The following USP45 variants were observed in gnomAD, a reference collection of about 807,000 sequenced individuals.
USP45 encodes the protein ubiquitin specific peptidase 45.
In USP45, 89 loss-of-function variants were observed where a neutral mutation model predicts 95.8. The observed-to-expected ratio is 0.93, with a 90% CI of 0.78 to 1.11. USP45 has a LOEUF of 1.11. Ranked by LOEUF, USP45 falls within the 50% of genes least tolerant of loss-of-function variation. The probability of loss-of-function intolerance (pLI) is 0.00; values close to 1 mark genes in which losing one functional copy is unlikely to be tolerated. For missense variants in USP45, 898 were observed against 942.5 expected (o/e 0.95, Z 0.62); for synonymous variants, 281 against 316.2 (o/e 0.89, Z 1.18).
chr6:99,461,980 C>T (rs746786848), intron 13 of USP45: 103 of 985,240 alleles, frequency 1.0e-4, no homozygotes, highest in Middle Eastern at 5.2e-4. Flanking sequence ...AACTTCTAAA[C>T]GTAAACTTCC....
At chr6:99,453,954 T>C (rs534074331) in intron 13 of USP45, among the ~76,000 whole-genome samples, 54 of 151,468 alleles carry the variant, frequency 3.6e-4, no homozygotes, top group African/African-American at 1.3e-3. Context: ...GCAACAAGAG[T>C]GAAACTCCAT....
chr6:99,482,907 T>C (rs1792782082), intron 7 of USP45, 24 bp from the exon 8 acceptor site: 6 of 1,454,928 alleles, frequency 4.1e-6, no homozygotes, highest in Non-Finnish European at 5.5e-6. Context: ...ATCAACTCTA[T>C]GTCAGAAATG....
At chr6:99,454,785 T>C (rs562783451) in intron 13 of USP45, among the ~76,000 whole-genome samples, 51 of 152,240 alleles carry the variant, frequency 3.3e-4, no homozygotes, top group African/African-American at 1.2e-3. Context: ...AGTACAGCCA[T>C]CATAGAAAAC....
At chr6:99,488,942 T>C in intron 5 of USP45, 122 bp from the exon 6 acceptor site, 1 of 741,416 alleles carries the variant, frequency 1.3e-6, no homozygotes, top group Non-Finnish European at 1.9e-6. Context: ...TCAGTGTTCC[T>C]GAAGGGGAAG....
intron 16 of USP45, among the ~76,000 whole-genome samples, chr6:99,439,314 T>C (rs1178356575): frequency 1.3e-5 from 2 of 152,206 alleles, no homozygotes; most frequent in Non-Finnish European, 1.5e-5. Context: ...AGCAGCAGTT[T>C]TGAAGTATCA....
At chr6:99,490,969 TA>T (rs1457007073) in intron 5 of USP45, among the ~76,000 whole-genome samples, 1 of 147,132 alleles carries the variant, frequency 6.8e-6, no homozygotes, top group Admixed American at 6.7e-5. Context: ...TTATAAACGC[TA>T]TTAACTGGTT....
At position 99,510,450 on chromosome 6, in the gene USP45, T is replaced by C. The variant is rs117432354; in HGVS notation, c.-10-220A>G. Among the ~76,000 whole-genome samples the C allele has an allele frequency of 6.2e-3, 941 of 152,362 alleles. 5 individuals carry two copies. Among genetic ancestry groups the C allele is most frequent in the Non-Finnish European group, 0.011 (743 of 68,042 alleles). On this transcript the variant is annotated intron_variant, in intron 1 of 17. Transcript: ENST00000500704. ...TTGGCTTTTGCCAACTATACCATTA[T>C]GGACTAAATGTTTGTGTCCCCACTC...
At chr6:99,460,961 T>C (rs938373854) in intron 13 of USP45, 51 of 985,078 alleles carry the variant, frequency 5.2e-5, no homozygotes, top group Non-Finnish European at 5.7e-5. Context: ...TCTGGTCTTA[T>C]AATTGAATTT....
intron 14 of USP45, among the ~76,000 whole-genome samples, chr6:99,444,772 C>T (rs1782168219): frequency 6.6e-6 from 1 of 152,172 alleles, no homozygotes; most frequent in South Asian, 2.1e-4. Context: ...CCATGTTTTC[C>T]CCTCACTCCC....
chr6:99,463,927 AAAT>A (rs1345927608), intron 13 of USP45, among the ~76,000 whole-genome samples: 2 of 152,160 alleles, frequency 1.3e-5, no homozygotes, highest in African/African-American at 2.4e-5. Context: ...GCAGAAATTT[AAAT>A]AATGACTGAA....
At chr6:99,441,902 A>G (rs894440294) in intron 15 of USP45, among the ~76,000 whole-genome samples, 1 of 152,210 alleles carries the variant, frequency 6.6e-6, no homozygotes, top group African/African-American at 2.4e-5. Context: ...AAAGATCTCT[A>G]TTCAGTTTCA....
At chr6:99,445,439 C>T (rs547239295) in intron 14 of USP45, among the ~76,000 whole-genome samples, 6 of 150,564 alleles carry the variant, frequency 4.0e-5, no homozygotes, top group South Asian at 4.2e-4. Context: ...GCCGAGATCG[C>T]GCCACTGTAC....
intron 14 of USP45, 93 bp downstream of exon 14, chr6:99,445,704 G>A (rs1300229121): frequency 1.0e-6 from 1 of 962,888 alleles, no homozygotes. Context: ...CACAAGTATA[G>A]GGACAAGATT....
At chr6:99,445,584 G>A (rs537183282) in intron 14 of USP45, among the ~76,000 whole-genome samples, 4 of 152,050 alleles carry the variant, frequency 2.6e-5, no homozygotes, top group African/African-American at 7.2e-5. Flanking sequence ...TCAAGGCAGA[G>A]TTGTATACTT....
chr6:99,471,261 G>A (rs1032323328), intron 9 of USP45, among the ~76,000 whole-genome samples: 2 of 152,160 alleles, frequency 1.3e-5, no homozygotes, highest in South Asian at 2.1e-4. Context: ...TAAGAGTTGT[G>A]CTTTGAACAA....
chr6:99,455,761 T>A (rs974454241), intron 13 of USP45, among the ~76,000 whole-genome samples: 5 of 130,338 alleles, frequency 3.8e-5, no homozygotes, highest in African/African-American at 1.5e-4. Context: ...TTATGTTAAG[T>A]AAGGCAAGCT....
At chr6:99,497,028 T>C (rs567533128) in intron 5 of USP45, among the ~76,000 whole-genome samples, 143 of 152,300 alleles carry the variant, frequency 9.4e-4, no homozygotes, top group African/African-American at 3.2e-3. Context: ...TCCAGCATTA[T>C]AGTATCATAC....
chr6:99,491,743 T>G (rs1038118889), intron 5 of USP45, among the ~76,000 whole-genome samples: 1 of 151,892 alleles, frequency 6.6e-6, no homozygotes, highest in Non-Finnish European at 1.5e-5. Context: ...CAAATATGAC[T>G]CCTCAAAAAT....
chr6:99,491,573 G>GTAA (rs1241793022), intron 5 of USP45, among the ~76,000 whole-genome samples: 1 of 152,018 alleles, frequency 6.6e-6, no homozygotes, highest in Non-Finnish European at 1.5e-5. Flanking sequence ...GTCTCCAACA[G>GTAA]GTTAAGTGAT....
Sources: allele counts gnomAD v4.1 joint callset (sites outside exome capture counted in the v4.1 genomes callset), GRCh38; gene constraint gnomAD v4.1.1; transcripts MANE v1.5; gene names NCBI Gene and HGNC (gene_info 2026-07-23, HGNC 2026-07-21).